Variants in ANK3 observed in about 807,000 individuals in gnomAD.
ANK3 encodes the protein ankyrin-3.
A neutral mutation model predicts 370.9 loss-of-function variants in ANK3; 57 were observed. The ratio of observed to expected loss-of-function variants is 0.15; its 90% confidence interval spans 0.12 to 0.19. ANK3 has a LOEUF of 0.19. Among genes scored for constraint, ANK3 ranks in the 10% least tolerant of loss-of-function variants. The probability of loss-of-function intolerance (pLI) is 1.00; values close to 1 mark genes in which losing one functional copy is unlikely to be tolerated. For missense variants in ANK3, 4,439 were observed against 5,302.1 expected (o/e 0.84, Z 5.06); for synonymous variants, 1,929 against 1,946.3 (o/e 0.99, Z 0.23).
chr10:60,554,863 C>T (rs2133238464), intron 2 of ANK3, among the ~76,000 whole-genome samples: 1 of 152,194 alleles, frequency 6.6e-6, no homozygotes, highest in African/African-American at 2.4e-5. Flanking sequence ...CATATTAATG[C>T]CATGAATCAA....
chr10:60,072,494 C>T lies in ANK3; in HGVS notation c.8387G>A (p.Ser2796Asn), dbSNP rs766834377. 3 of 1,613,940 alleles carry T rather than the reference C, an allele frequency of 1.9e-6. No homozygotes were observed. Among genetic ancestry groups the T allele is most frequent in the Admixed American group, 1.7e-5 (1 of 59,982 alleles). ...AGAATCATTTACAACAATTTCGTTG[C>T]TTTGGGCATGCTCATCTTTGGTTTT... ...VLKTKDEHAQ[S>N]NEIVVNDSGS... is the part of the protein sequence containing the mutation. The change falls in exon 37 of 44, where the codon AGC becomes AAC. Residue 2796 changes from serine to asparagine, a missense_variant. By Grantham distance (46) the Ser-to-Asn change is conservative. This residue lies in a region of ANK3 where 1,601 missense variants were observed against 1,731.7 expected (regional missense o/e 0.92). Coordinates refer to ENST00000280772, the MANE Select transcript of ANK3 (RefSeq NM_020987.5).
At chr10:60,245,514 C>T (rs1328846239) in intron 7 of ANK3, among the ~76,000 whole-genome samples, 1 of 152,132 alleles carries the variant, frequency 6.6e-6, no homozygotes, top group Non-Finnish European at 1.5e-5. Flanking sequence ...TTCTCTGTTT[C>T]CCAAGCCCTT....
At position 60,086,854 on chromosome 10, in the gene ANK3, T is replaced by G; in HGVS notation, c.3571A>C (p.Lys1191Gln). ...AQPVPDEIVK[K>Q]ILGNKATFSP... ...AAAGTTGCTTTGTTTCCAAGGATCTTTTTCACAATTTCATCTGGAACAGGC... is the reference window on the plus strand; with the variant it reads ...AAAGTTGCTTTGTTTCCAAGGATCTGTTTCACAATTTCATCTGGAACAGGC... Residue 1191 changes from lysine to glutamine, a missense_variant, in exon 30 of 44, where the codon AAG (lysine) becomes CAG (glutamine). Physicochemically the swap from Lys to Gln is moderately conservative, Grantham distance 53. Coordinates refer to ENST00000280772, the MANE Select transcript of ANK3 (RefSeq NM_020987.5). 6.2e-7 allele frequency: 1 copy of G among 1,613,924 alleles called. No individual in the cohort carries two copies. The highest frequency in any genetic ancestry group is 8.5e-7 in the Non-Finnish European group (1 of 1,179,976).
At position 60,070,099 on chromosome 10, in the gene ANK3, T is replaced by A; in HGVS notation, c.10782A>T (p.Pro3594=). Residue 3594 remains proline, a synonymous_variant, in exon 37 of 44, where the codon CCA becomes CCT. Coordinates refer to ENST00000280772, the MANE Select transcript of ANK3 (RefSeq NM_020987.5). The surrounding 1 kb of genome is among the most constrained non-coding windows in gnomAD (Gnocchi z 5.7). The part of the protein sequence containing the change: ...PARTPTDEST[P]TSEPNPFPFH... ...ATGGGAAGGGGTTAGGCTCACTAGT[T>A]GGGGTACTTTCATCAGTTGGCGTTC... 1 of 1,614,104 alleles carries A rather than the reference T, an allele frequency of 6.2e-7. No homozygotes were observed. The highest frequency in any genetic ancestry group is 2.2e-5 in the East Asian group (1 of 44,872).
At chr10:60,619,347 C>G (rs2078305907) in intron 1 of ANK3, among the ~76,000 whole-genome samples, 1 of 151,992 alleles carries the variant, frequency 6.6e-6, no homozygotes, top group South Asian at 2.1e-4. Flanking sequence ...GTTCCTCTTC[C>G]CAGATCTCAT....
intron 25 of ANK3, among the ~76,000 whole-genome samples, chr10:60,125,617 A>T (rs12779378): frequency 0.28 from 42,169 of 151,926 alleles, 6,616 homozygotes; most frequent in Non-Finnish European, 0.36. Context: ...GTTTCTGAGC[A>T]CCCCCCTTAG....
chr10:60,279,399 T>C (rs555764675), intron 2 of ANK3, 139 bp downstream of exon 2: 13 of 743,404 alleles, frequency 1.7e-5, no homozygotes, highest in Admixed American at 2.6e-5. Context: ...AATGTTCCTC[T>C]AACAGAGAAT....
chr10:60,212,204 C>A (rs1345725750), intron 9 of ANK3, among the ~76,000 whole-genome samples: 2 of 152,058 alleles, frequency 1.3e-5, no homozygotes, highest in East Asian at 1.9e-4. Flanking sequence ...GTCCTTACTG[C>A]TCTGAGAAAA....
Position 60,084,783 on chromosome 10 carries a change from G to C in ANK3, c.3893C>G (p.Ala1298Gly), listed in dbSNP as rs867697196. The change falls in exon 32 of 44, where the codon GCC becomes GGC. Residue 1298 changes from alanine (A) to glycine (G), a missense_variant. Coordinates refer to ENST00000280772, the MANE Select transcript of ANK3 (RefSeq NM_020987.5). ...TATCAATTCTCTGTACAGTTGCGTG[G>C]CTAACCCCACAGTTTCTAAAACTTG... Reference protein sequence around the residue: ...CHQVLETVGLATQLYRELICV... With the variant: ...CHQVLETVGLGTQLYRELICV... The C allele has an allele frequency of 1.3e-6, 2 of 1,587,206 alleles. No homozygotes were observed. The highest frequency in any genetic ancestry group is 1.7e-6 in the Non-Finnish European group (2 of 1,168,456).
Position 60,166,673 on chromosome 10 carries a change from A to G in ANK3, c.2552-20T>C, listed in dbSNP as rs2095632422. On this transcript the variant is annotated intron_variant, in intron 22 of 43. Coordinates refer to ENST00000280772, the MANE Select transcript of ANK3 (RefSeq NM_020987.5). ...TACGAACTGCATGATTGAAGTGAAC[A>G]ATATAAGTGGATGAAAAATACATAC... 6.2e-7 allele frequency: 1 copy of G among 1,612,014 alleles called. No homozygotes were observed. Among genetic ancestry groups the G allele is most frequent in the Admixed American group, 1.7e-5 (1 of 59,966 alleles).
Position 60,139,068 on chromosome 10 carries a change from C to T in ANK3, c.2634G>A (p.Gly878=). Reference sequence around the variant, plus strand: ...GTGGCCCAAGATATTTGTCTGTGTCCCCGGTCATTGCATCTTCACCTGCAG... The same window carrying T: ...GTGGCCCAAGATATTTGTCTGTGTCTCCGGTCATTGCATCTTCACCTGCAG... ...DVEEGEDAMT[G]DTDKYLGPQD... The change falls in exon 24 of 44, where the codon GGG becomes GGA. Residue 878 remains glycine, a synonymous_variant. Coordinates refer to ENST00000280772, the MANE Select transcript of ANK3 (RefSeq NM_020987.5). 1 of 1,613,556 alleles carries T rather than the reference C, an allele frequency of 6.2e-7. No homozygotes were observed. Among genetic ancestry groups the T allele is most frequent in the Non-Finnish European group, 8.5e-7 (1 of 1,179,756 alleles).
intron 2 of ANK3, among the ~76,000 whole-genome samples, chr10:60,481,512 G>T (rs1166222336): frequency 2.6e-5 from 4 of 152,090 alleles, no homozygotes; most frequent in Non-Finnish European, 5.9e-5. Context: ...GCCCAAGCTG[G>T]AGTGCAGTGA....
chr10:60,511,789 ATTTTTTT>A (rs5785448), intron 2 of ANK3, among the ~76,000 whole-genome samples: 1 of 141,632 alleles, frequency 7.1e-6, no homozygotes, highest in Non-Finnish European at 1.5e-5. Context: ...GGGGAAAGGC[ATTTTTTT>A]TTTTTTTTTA....
intron 42 of ANK3, 117 bp downstream of exon 42, chr10:60,055,541 T>C (rs1335004772): frequency 7.5e-7 from 1 of 1,330,388 alleles, no homozygotes. Flanking sequence ...ATTTCACACA[T>C]TTATAATTTA....
chr10:60,069,266 GGTGAA>G lies in ANK3; in HGVS notation c.11610_11614del (p.Ser3871LysfsTer13). ...ATGGTTCGGTGGGAAGGTATCTTTT[GGTGAA>G]GTGGCCTTTATGGGAAGTTTGGATT... On this transcript the variant is annotated frameshift_variant, in exon 37 of 44. Transcript: ENST00000280772. LOFTEE classifies it high-confidence loss of function. The G allele has an allele frequency of 6.2e-7, 1 of 1,614,138 alleles. No homozygotes were observed. Among genetic ancestry groups the G allele is most frequent in the Non-Finnish European group, 8.5e-7 (1 of 1,180,004 alleles).
At chr10:60,409,233 G>A (rs2063512281) in intron 2 of ANK3, among the ~76,000 whole-genome samples, 1 of 152,172 alleles carries the variant, frequency 6.6e-6, no homozygotes, top group South Asian at 2.1e-4. Context: ...TGCAAGTTCA[G>A]TTCATGAAAC....
intron 1 of ANK3, among the ~76,000 whole-genome samples, chr10:60,689,112 A>G (rs1008646674): frequency 3.9e-5 from 6 of 152,198 alleles, no homozygotes; most frequent in African/African-American, 1.4e-4. Context: ...ACATAGAGGT[A>G]TATTTGGCTA....
rs371821365 is a variant in ANK3, at chr10:60,208,051, G to A, written c.1179C>T (p.Pro393=). Residue 393 remains proline (P), a synonymous_variant, in exon 10 of 44, where the codon CCC becomes CCT. Coordinates refer to ENST00000280772, the MANE Select transcript of ANK3 (RefSeq NM_020987.5). The part of the protein sequence containing the change: ...AKVLLDKKAN[P]NAKALNGFTP... ...AGCCACTCACCAGGGCTTTGGCATT[G>A]GGGTTAGCTTTCTTATCCAAGAGAA... 2.5e-6 allele frequency: 4 copies of A among 1,613,622 alleles called. No individual in the cohort carries two copies. The African/African-American group carries it at 5.3e-5, about 22-fold the overall frequency.
rs537093045 is a variant in ANK3 at position 60,198,385 on chromosome 10, G to C, written c.1644C>G (p.Ala548=). The C allele has an allele frequency of 6.2e-7, 1 of 1,614,204 alleles. No individual in the cohort carries two copies. Among genetic ancestry groups the C allele is most frequent in the Non-Finnish European group, 8.5e-7 (1 of 1,180,032 alleles). ...LSAREGHEDV[A]AFLLDHGASL... ...ACGCTCCATGATCCAAAAGGAACGC[G>C]GCCACATCCTCATGCCCCTCTCGGG... The change falls in exon 14 of 44, where the codon GCC becomes GCG. Residue 548 remains alanine, a synonymous_variant. Transcript: ENST00000280772.
Sources: gnomAD v4.1 joint callset for allele counts (sites outside exome capture counted in the v4.1 genomes callset) on GRCh38, gnomAD v4.1.1 for gene constraint, gnomAD v4.1.1 regional missense constraint, Gnocchi (gnomAD v3.1) non-coding constraint, MANE v1.5 for transcripts, NCBI Gene and HGNC (gene_info 2026-07-23, HGNC 2026-07-21) for gene names.